CEP164: variants seen among roughly 807,000 people sequenced by gnomAD.
CEP164 encodes centrosomal protein of 164 kDa.
In CEP164, 162 loss-of-function variants were observed where a neutral mutation model predicts 182.7. That is an observed-to-expected ratio of 0.89 (90% confidence interval 0.78 to 1.01). The LOEUF (loss-of-function observed/expected upper bound fraction) is 1.01. CEP164 is among the 50% of genes least tolerant of loss of function. The pLI is 0.00. For synonymous variants in CEP164, 661 were observed against 690.0 expected (o/e 0.96, Z 0.66); for missense variants, 1,735 against 1,790.4 (o/e 0.97, Z 0.56).
chr11:117,405,874 A>G (rs567926562), intron 27 of CEP164, among the ~76,000 whole-genome samples: 22 of 152,280 alleles, frequency 1.4e-4, no homozygotes, highest in African/African-American at 5.3e-4. Flanking sequence ...CCAGTTCCCA[A>G]CAAGTTCCTC....
chr11:117,351,747 G>A, intron 4 of CEP164, 43 bp from the exon 5 acceptor site: 2 of 1,317,830 alleles, frequency 1.5e-6, no homozygotes, highest in Non-Finnish European at 2.0e-6. Context: ...TTCTTCTTTT[G>A]TATCTGAGCA....
In CEP164 at chr11:117,409,718, C is replaced by T. The variant is rs750737975; in HGVS notation, c.3849C>T (p.Asp1283=). The change falls in exon 30 of 33, where the codon GAC becomes GAT. Residue 1283 remains aspartate, a synonymous_variant. Coordinates refer to ENST00000278935, the MANE Select transcript of CEP164 (RefSeq NM_014956.5). This position sits in a 1 kb window ranked among gnomAD's most constrained non-coding sequence, Gnocchi z 4.4. ...SQLSSVLSIL[D]SLNPQSPPPL... ...TGAGCAGTGTCCTCAGCATCCTGGA[C>T]AGCCTCAACCCTCAGTCGCCGCCGC... 6.2e-7 allele frequency: 1 copy of T among 1,614,208 alleles called. No individual in the cohort carries two copies. Among genetic ancestry groups the T allele is most frequent in the Non-Finnish European group, 8.5e-7 (1 of 1,180,030 alleles).
intron 12 of CEP164, 79 bp from the exon 13 acceptor site, chr11:117,381,622 C>T (rs976455224): frequency 1.3e-6 from 2 of 1,483,304 alleles, no homozygotes; most frequent in Non-Finnish European, 1.8e-6. Flanking sequence ...GACCTAGGTC[C>T]ACACACTGTA....
intron 8 of CEP164, among the ~76,000 whole-genome samples, chr11:117,365,474 T>A (rs1039356284): frequency 6.6e-6 from 1 of 152,208 alleles, no homozygotes; most frequent in Non-Finnish European, 1.5e-5. Flanking sequence ...TGTGGATTGA[T>A]CATGATTTAC....
intron 27 of CEP164, among the ~76,000 whole-genome samples, chr11:117,402,220 C>A (rs1328100334): frequency 6.7e-6 from 1 of 149,770 alleles, no homozygotes; most frequent in Admixed American, 6.6e-5. Context: ...CTTTTCTTTT[C>A]TTGTCTTTTT....
At chr11:117,360,645 T>A (rs755728433) in intron 5 of CEP164, among the ~76,000 whole-genome samples, 9 of 152,156 alleles carry the variant, frequency 5.9e-5, no homozygotes, top group Non-Finnish European at 1.2e-4. Flanking sequence ...AGTGCTGGGA[T>A]TACAGATGTG....
intron 4 of CEP164, 62 bp from the exon 5 acceptor site, chr11:117,351,728 C>CTTTTTTTTTT: frequency 2.3e-6 from 3 of 1,332,806 alleles, no homozygotes; most frequent in Middle Eastern, 2.0e-4. Context: ...TTTTTCCCCT[C>CTTTTTTTTTT]TTTTTTTTTT....
intron 19 of CEP164, 53 bp downstream of exon 19, chr11:117,392,680 A>G: frequency 1.3e-6 from 2 of 1,590,716 alleles, no homozygotes; most frequent in Non-Finnish European, 8.6e-7. Flanking sequence ...GGACTCTCTT[A>G]CAGTCAGCTG....
intron 28 of CEP164, 122 bp downstream of exon 28, chr11:117,408,154 A>G (rs576007978): frequency 2.6e-4 from 167 of 639,366 alleles, no homozygotes; most frequent in Non-Finnish European, 3.9e-4. Flanking sequence ...AGGATTGGGC[A>G]GTAGGCTTGT....
At chr11:117,325,600 G>C (rs1332969463), upstream of CEP164, among the ~76,000 whole-genome samples, 1 of 151,678 alleles carries the variant, frequency 6.6e-6, no homozygotes, top group East Asian at 1.9e-4. Context: ...TAGCCAGGCT[G>C]GTCTCAAACT....
chr11:117,404,635 G>C (rs2046475112), intron 27 of CEP164, among the ~76,000 whole-genome samples: 1 of 152,226 alleles, frequency 6.6e-6, no homozygotes. Flanking sequence ...GGGGGTCAAG[G>C]ACCCACTTGA....
Position 117,338,609 on chromosome 11 carries a change from T to C in CEP164, c.23T>C (p.Ile8Thr), listed in dbSNP as rs779451420. The change falls in exon 3 of 33, where the codon ATA (isoleucine) becomes ACA (threonine). Residue 8 changes from isoleucine to threonine, a missense_variant. Coordinates refer to ENST00000278935, the MANE Select transcript of CEP164 (RefSeq NM_014956.5). ...GTCATGGCTGGACGACCCCTCCGCA[T>C]AGGAGATCAGCTGGTTCTGGAAGAA... is the stretch of plus-strand genomic sequence containing the variant. MAGRPLR[I>T]GDQLVLEEDY... 5 of 1,614,096 alleles carry C rather than the reference T, an allele frequency of 3.1e-6. No homozygotes were observed. In the South Asian group the frequency reaches 4.4e-5, roughly 14 times the overall value.
At chr11:117,395,271 C>T in intron 23 of CEP164, 80 bp downstream of exon 23, 2 of 1,521,324 alleles carry the variant, frequency 1.3e-6, no homozygotes, top group Non-Finnish European at 1.8e-6. Context: ...ACATTTTGTT[C>T]ATCTGATCTG....
intron 11 of CEP164, among the ~76,000 whole-genome samples, chr11:117,378,025 T>A (rs1295264722): frequency 1.3e-5 from 2 of 151,648 alleles, no homozygotes; most frequent in Non-Finnish European, 2.9e-5. Flanking sequence ...CATGCCCGGC[T>A]AATTTTTTTT....
chr11:117,371,245 C>G lies in CEP164; in HGVS notation c.931C>G (p.Pro311Ala), dbSNP rs561098013. ...GGGAAGTGGAGCAAGACCTGGTCTT[C>G]CAGAAAAAGAGGAAAATGAGAAGAG... ...RQGSGARPGLPEKEENEKSEP... is the reference protein window; with the variant it reads ...RQGSGARPGLAEKEENEKSEP... The change falls in exon 9 of 33, where the codon CCA becomes GCA. Residue 311 changes from proline to alanine, a missense_variant. Pro to Ala is a conservative substitution (Grantham distance 27). Coordinates refer to ENST00000278935, the MANE Select transcript of CEP164 (RefSeq NM_014956.5). The G allele has an allele frequency of 6.2e-7, 1 of 1,614,162 alleles. No homozygotes were observed. Among genetic ancestry groups the G allele is most frequent in the Non-Finnish European group, 8.5e-7 (1 of 1,180,030 alleles).
At position 117,411,834 on chromosome 11, in the gene CEP164, C is replaced by A. The variant is rs544976647; in HGVS notation, c.4203C>A (p.Val1401=). Residue 1401 remains valine, a synonymous_variant, in exon 32 of 33, where the codon GTC becomes GTA. Coordinates refer to ENST00000278935, the MANE Select transcript of CEP164 (RefSeq NM_014956.5). This position sits in a 1 kb window ranked among gnomAD's most constrained non-coding sequence, Gnocchi z 4.4. ...LRLLQHSHSQ[V]PEAGSTTFQG... ...TCCTACAGCACTCCCATTCGCAAGTCCCTGAGGCGGGCAGCACCACCTTTC... is the reference window on the plus strand; with the variant it reads ...TCCTACAGCACTCCCATTCGCAAGTACCTGAGGCGGGCAGCACCACCTTTC... 1 of 1,614,150 alleles carries A rather than the reference C, an allele frequency of 6.2e-7. No individual in the cohort carries two copies. The highest frequency in any genetic ancestry group is 8.5e-7 in the Non-Finnish European group (1 of 1,180,032).
At chr11:117,390,737 G>C (rs772780846) in intron 15 of CEP164, 40 bp from the exon 16 acceptor site, 18 of 1,612,466 alleles carry the variant, frequency 1.1e-5, no homozygotes. Context: ...AAAGACCTTT[G>C]TGGTTTCTCT....
At chr11:117,356,249 C>G in intron 5 of CEP164, 1 of 1,100,330 alleles carries the variant, frequency 9.1e-7, no homozygotes, top group South Asian at 2.2e-5. Flanking sequence ...GAGGTTCTAC[C>G]AGCACATCCT....
Position 117,396,190 on chromosome 11 carries a change from G to A in CEP164, c.3216+10G>A, listed in dbSNP as rs768750499. The stretch of plus-strand genomic sequence containing the variant: ...GAAATCCCTTGGAACAGTGAGCTGG[G>A]GGCTGGGGCCTGGGGGCTGGGGCAC... On this transcript the variant is annotated intron_variant, in intron 25 of 32. Transcript: ENST00000278935. 1 of 1,546,318 alleles carries A rather than the reference G, an allele frequency of 6.5e-7. No homozygotes were observed. Among genetic ancestry groups the A allele is most frequent in the East Asian group, 2.2e-5 (1 of 44,838 alleles).
Sources: allele counts gnomAD v4.1 joint callset (sites outside exome capture counted in the v4.1 genomes callset), GRCh38; gene constraint gnomAD v4.1.1; non-coding constraint Gnocchi (gnomAD v3.1); transcripts MANE v1.5; gene names NCBI Gene and HGNC (gene_info 2026-07-23, HGNC 2026-07-21).